WDR27: variants seen among roughly 807,000 people sequenced by gnomAD.
WDR27 encodes the protein WD repeat domain 27.
In WDR27, 100 loss-of-function variants were observed where a neutral mutation model predicts 114.4. The ratio of observed to expected loss-of-function variants is 0.87; its 90% CI spans 0.74 to 1.03. The LOEUF (loss-of-function observed/expected upper bound fraction) is 1.03. WDR27 is among the 50% of genes least tolerant of loss of function. The pLI is 0.00. For synonymous variants in WDR27, 449 were observed against 423.1 expected (o/e 1.06, Z -0.75); for missense variants, 1,129 against 1,092.9 (o/e 1.03, Z -0.47).
chr6:169,440,036 T>G, the WDR27 span, among the ~76,000 whole-genome samples: 1 of 152,078 alleles, frequency 6.6e-6, no homozygotes, highest in Non-Finnish European at 1.5e-5. Context: ...TGCCTTGATT[T>G]GGCTTCCTAG....
intron 25 of WDR27, among the ~76,000 whole-genome samples, chr6:169,546,624 G>C (rs917575853): frequency 6.6e-6 from 1 of 152,112 alleles, no homozygotes; most frequent in Non-Finnish European, 1.5e-5. Flanking sequence ...ATGAGAAATA[G>C]GGCACAAATC....
intron 2 of WDR27, among the ~76,000 whole-genome samples, chr6:169,674,740 T>C (rs1322204467): frequency 3.3e-5 from 5 of 152,192 alleles, no homozygotes; most frequent in African/African-American, 9.6e-5. Flanking sequence ...GTCCCCTCTT[T>C]CATGCGCGTC....
intron 25 of WDR27, among the ~76,000 whole-genome samples, chr6:169,499,921 T>C (rs886469014): frequency 2.6e-5 from 4 of 152,028 alleles, no homozygotes; most frequent in Non-Finnish European, 4.4e-5. Context: ...CCATAGGAGA[T>C]TGGTAAAGGG....
At chr6:169,609,806 T>C (rs982300996) in intron 22 of WDR27, among the ~76,000 whole-genome samples, 1 of 152,242 alleles carries the variant, frequency 6.6e-6, no homozygotes, top group African/African-American at 2.4e-5. Context: ...TTCTATTGCA[T>C]TGTCAGGCTG....
intron 25 of WDR27, among the ~76,000 whole-genome samples, chr6:169,484,777 A>G (rs1474741214): frequency 1.3e-5 from 2 of 152,224 alleles, no homozygotes; most frequent in African/African-American, 4.8e-5. Context: ...AAACTATACT[A>G]CAGGGCTACA....
chr6:169,514,198 G>A (rs1163853308), intron 25 of WDR27, among the ~76,000 whole-genome samples: 2 of 151,618 alleles, frequency 1.3e-5, no homozygotes, highest in Non-Finnish European at 2.9e-5. Flanking sequence ...TATAGATATG[G>A]TAGTTTACAT....
At chr6:169,519,783 T>G (rs1327300907) in intron 25 of WDR27, among the ~76,000 whole-genome samples, 1 of 152,072 alleles carries the variant, frequency 6.6e-6, no homozygotes, top group African/African-American at 2.4e-5. Flanking sequence ...AACTCAAATA[T>G]GAAGATGAGA....
At chr6:169,479,717 T>A (rs1301990212) in intron 25 of WDR27, among the ~76,000 whole-genome samples, 1 of 152,252 alleles carries the variant, frequency 6.6e-6, no homozygotes, top group Non-Finnish European at 1.5e-5. Flanking sequence ...TCATTTCTTT[T>A]AACTTTTATT....
At position 169,663,755 on chromosome 6, in the gene WDR27, G is replaced by A. The variant is rs181615885; in HGVS notation, c.904+411C>T. The A allele has an allele frequency of 3.5e-3, 661 of 186,638 alleles. 4 individuals are homozygous for A. Among genetic ancestry groups the A allele is most frequent in the Non-Finnish European group, 4.5e-3 (404 of 90,086 alleles). 11.6% of individuals were successfully genotyped at this position (186,638 alleles called of 1,614,324 possible). ...GAGGATGTGAGGGTGCTGGGCAGGTGTAGGTGGCGTCTAAGATTCACAGGC... is the reference window on the plus strand; with the variant it reads ...GAGGATGTGAGGGTGCTGGGCAGGTATAGGTGGCGTCTAAGATTCACAGGC... On this transcript the variant is annotated intron_variant, in intron 8 of 25. Coordinates refer to ENST00000448612, the MANE Select transcript of WDR27 (RefSeq NM_182552.5).
chr6:169,586,285 A>G (rs1006533726), intron 23 of WDR27, among the ~76,000 whole-genome samples: 1 of 152,184 alleles, frequency 6.6e-6, no homozygotes, highest in Admixed American at 6.5e-5. Flanking sequence ...AGTTCTCTCC[A>G]GTGGGAATTG....
chr6:169,656,551 A>G (rs1824249441), intron 13 of WDR27, among the ~76,000 whole-genome samples: 1 of 152,008 alleles, frequency 6.6e-6, no homozygotes, highest in Admixed American at 6.5e-5. Context: ...GGGTCCAGGA[A>G]GACGAAGAGG....
intron 25 of WDR27, among the ~76,000 whole-genome samples, chr6:169,538,311 A>G (rs1796420925): frequency 6.6e-6 from 1 of 152,004 alleles, no homozygotes; most frequent in Non-Finnish European, 1.5e-5. Context: ...GTAGCATGAA[A>G]CTTCTTTTCA....
intron 25 of WDR27, among the ~76,000 whole-genome samples, chr6:169,534,779 T>C (rs911251275): frequency 6.6e-6 from 1 of 152,038 alleles, no homozygotes; most frequent in African/African-American, 2.4e-5. Context: ...TCTTCTCTTT[T>C]TTTTTCTTGG....
chr6:169,662,832 G>A (rs1190809352), intron 8 of WDR27, among the ~76,000 whole-genome samples: 2 of 134,608 alleles, frequency 1.5e-5, no homozygotes, highest in Non-Finnish European at 3.1e-5. Context: ...AAGCACTAGG[G>A]TAACACCCAG....
chr6:169,670,969 G>C, intron 3 of WDR27: 1 of 362,062 alleles, frequency 2.8e-6, no homozygotes, highest in African/African-American at 2.1e-5. Flanking sequence ...TGTGCAGTGA[G>C]AATCATGCAC....
intron 25 of WDR27, among the ~76,000 whole-genome samples, chr6:169,510,344 T>C (rs9282987): frequency 0.98 from 149,514 of 151,892 alleles, 73,596 homozygotes; most frequent in East Asian, 1. Context: ...ATGTTTATTG[T>C]GGCACTATTC....
At chr6:169,674,881 G>A (rs1360927872) in intron 2 of WDR27, among the ~76,000 whole-genome samples, 1 of 152,136 alleles carries the variant, frequency 6.6e-6, no homozygotes. Context: ...ATTTGGGTAG[G>A]TAAAGGAAAA....
At chr6:169,672,218 G>T in intron 3 of WDR27, 37 bp downstream of exon 3, 1 of 1,601,458 alleles carries the variant, frequency 6.2e-7, no homozygotes, top group Non-Finnish European at 8.5e-7. Context: ...TATTCCTTTT[G>T]CAGGTTTTTA....
At chr6:169,448,186 G>A in the WDR27 span, among the ~76,000 whole-genome samples, 2 of 152,140 alleles carry the variant, frequency 1.3e-5, no homozygotes, top group Non-Finnish European at 2.9e-5. Flanking sequence ...TTACAGGCGT[G>A]AGCCACCGTG....
Sources: gnomAD v4.1 joint callset for allele counts (sites outside exome capture counted in the v4.1 genomes callset) on GRCh38, gnomAD v4.1.1 for gene constraint, MANE v1.5 for transcripts, NCBI Gene and HGNC (gene_info 2026-07-23, HGNC 2026-07-21) for gene names.